The following AK5 variants were observed in gnomAD, a reference collection of about 807,000 sequenced individuals.
The protein encoded by AK5 is adenylate kinase isoenzyme 5.
A neutral mutation model predicts 69.5 loss-of-function variants in AK5; 27 were observed. The ratio of observed to expected loss-of-function variants is 0.39; its 90% CI spans 0.29 to 0.54. AK5 has a LOEUF of 0.54. Ranked by LOEUF, AK5 falls within the 20% of genes least tolerant of loss-of-function variation. The pLI is 0.71. For missense variants in AK5, 531 were observed against 700.4 expected (o/e 0.76, Z 2.73); for synonymous variants, 260 against 244.4 (o/e 1.06, Z -0.60).
intron 10 of AK5, among the ~76,000 whole-genome samples, chr1:77,496,137 T>C (rs779815814): frequency 4.0e-5 from 6 of 151,432 alleles, no homozygotes; most frequent in Non-Finnish European, 8.8e-5. Context: ...GGGATCAGAG[T>C]TGAGAGAGGA....
chr1:77,441,805 G>A (rs2100637319), intron 8 of AK5, among the ~76,000 whole-genome samples: 1 of 152,226 alleles, frequency 6.6e-6, no homozygotes, highest in South Asian at 2.1e-4. Context: ...GTGGCTGTGG[G>A]GCCAGAGTTC....
intron 6 of AK5, among the ~76,000 whole-genome samples, chr1:77,403,500 C>T (rs1458026804): frequency 6.6e-6 from 1 of 152,182 alleles, no homozygotes; most frequent in African/African-American, 2.4e-5. Context: ...GATCCAGTTT[C>T]AGCTTTCTAC....
chr1:77,510,725 A>AT, intron 10 of AK5, among the ~76,000 whole-genome samples: 1 of 152,170 alleles, frequency 6.6e-6, no homozygotes, highest in African/African-American at 2.4e-5. Context: ...TTATCATTAA[A>AT]TTTTTTAGTC....
intron 5 of AK5, among the ~76,000 whole-genome samples, chr1:77,321,909 CA>C (rs1660554829): frequency 6.6e-6 from 1 of 151,904 alleles, no homozygotes; most frequent in African/African-American, 2.4e-5. Flanking sequence ...AAATGTGTAC[CA>C]AAACTATTAG....
chr1:77,309,444 T>A (rs143895788), intron 5 of AK5, among the ~76,000 whole-genome samples: 1 of 152,264 alleles, frequency 6.6e-6, no homozygotes, highest in Non-Finnish European at 1.5e-5. Flanking sequence ...CTGCTCCTGC[T>A]CTTTCCTCAG....
intron 8 of AK5, among the ~76,000 whole-genome samples, chr1:77,432,224 C>A (rs547015479): frequency 6.6e-6 from 1 of 152,214 alleles, no homozygotes; most frequent in African/African-American, 2.4e-5. Context: ...GTTAGATTTT[C>A]ATTGTCCCTT....
intron 6 of AK5, among the ~76,000 whole-genome samples, chr1:77,396,540 C>T: frequency 6.6e-6 from 1 of 151,970 alleles, no homozygotes; most frequent in Non-Finnish European, 1.5e-5. Context: ...GAACTTGGTA[C>T]AAACAATATT....
intron 5 of AK5, among the ~76,000 whole-genome samples, chr1:77,319,185 A>C (rs1054408218): frequency 3.3e-5 from 5 of 152,216 alleles, no homozygotes; most frequent in Non-Finnish European, 4.4e-5. Flanking sequence ...TAGCCAGCTC[A>C]TGATGATTCC....
chr1:77,450,067 G>A (rs1331839148), intron 8 of AK5, among the ~76,000 whole-genome samples: 1 of 152,108 alleles, frequency 6.6e-6, no homozygotes, highest in Non-Finnish European at 1.5e-5. Context: ...TAGGGCAGGG[G>A]CAAAATGCTT....
chr1:77,288,687 G>T (rs1219906922), intron 2 of AK5, among the ~76,000 whole-genome samples: 1 of 152,168 alleles, frequency 6.6e-6, no homozygotes, highest in Non-Finnish European at 1.5e-5. Context: ...TCCCACTGCT[G>T]CTGAGAAGTA....
At chr1:77,383,948 A>G (rs76282526) in intron 6 of AK5, among the ~76,000 whole-genome samples, 2 of 94,414 alleles carry the variant, frequency 2.1e-5, no homozygotes, top group African/African-American at 7.8e-5. Context: ...GAGCAAATAG[A>G]AAAAGGGTGG....
At chr1:77,324,734 A>G (rs1439038911) in intron 5 of AK5, among the ~76,000 whole-genome samples, 1 of 151,126 alleles carries the variant, frequency 6.6e-6, no homozygotes, top group Non-Finnish European at 1.5e-5. Context: ...TCCTGGAAGT[A>G]GGGTTGTAGT....
Position 77,405,183 on chromosome 1 carries a change from G to T in AK5, c.892-5798G>T, listed in dbSNP as rs138575216. ...GACAATTTGTGTCAGGCTTTATGCTGGGATATTAAATAGACCATCTCTGTA... is the reference window on the plus strand; with the variant it reads ...GACAATTTGTGTCAGGCTTTATGCTTGGATATTAAATAGACCATCTCTGTA... On this transcript the variant is annotated intron_variant, in intron 6 of 13. Coordinates refer to ENST00000354567, the MANE Select transcript of AK5 (RefSeq NM_174858.3). 2.7e-3 allele frequency among the ~76,000 whole-genome samples: 407 copies of T among 152,324 alleles called. 1 individual carries two copies. The highest frequency in any genetic ancestry group is 9.5e-3 in the African/African-American group (396 of 41,558).
chr1:77,350,739 G>A (rs1662150224), intron 6 of AK5, among the ~76,000 whole-genome samples: 1 of 152,186 alleles, frequency 6.6e-6, no homozygotes, highest in South Asian at 2.1e-4. Flanking sequence ...CATTTTCCCA[G>A]TTTAACCATT....
chr1:77,421,392 CCA>C (rs1650801534), intron 8 of AK5, among the ~76,000 whole-genome samples: 1 of 152,100 alleles, frequency 6.6e-6, no homozygotes, highest in African/African-American at 2.4e-5. Context: ...CTGTGTGACT[CCA>C]GAGCCAGGCG....
intron 12 of AK5, chr1:77,532,016 T>C (rs1357574989): frequency 7.3e-6 from 1 of 137,518 alleles, no homozygotes; most frequent in Admixed American, 7.4e-5. Flanking sequence ...CCGCTCCGAG[T>C]GCGGGGCTCG....
At chr1:77,334,862 G>A (rs1661269361) in intron 5 of AK5, among the ~76,000 whole-genome samples, 1 of 151,804 alleles carries the variant, frequency 6.6e-6, no homozygotes, top group Non-Finnish European at 1.5e-5. Flanking sequence ...CCCTGGGTGG[G>A]CCCCATATAT....
intron 2 of AK5, among the ~76,000 whole-genome samples, chr1:77,292,146 A>G (rs1658722372): frequency 6.6e-6 from 1 of 152,216 alleles, no homozygotes; most frequent in Non-Finnish European, 1.5e-5. Context: ...TTTTGCAAAT[A>G]AAGTCTTGTG....
chr1:77,510,964 T>C (rs1178602197), intron 10 of AK5, among the ~76,000 whole-genome samples: 1 of 149,682 alleles, frequency 6.7e-6, no homozygotes, highest in Non-Finnish European at 1.5e-5. Context: ...CCCTGCTTTG[T>C]CTCCTGTAAA....
Sources: allele counts gnomAD v4.1 joint callset (sites outside exome capture counted in the v4.1 genomes callset), GRCh38; gene constraint gnomAD v4.1.1; transcripts MANE v1.5; gene names NCBI Gene and HGNC (gene_info 2026-07-23, HGNC 2026-07-21).